PPARGC1A: variants seen among roughly 807,000 people sequenced by gnomAD.
The protein encoded by PPARGC1A is PPARG coactivator 1 alpha.
In PPARGC1A, 25 loss-of-function variants were observed where a neutral mutation model predicts 88.7. The ratio of observed to expected loss-of-function variants is 0.28; its 90% confidence interval spans 0.21 to 0.39. The LOEUF is 0.39. Ranked by LOEUF, PPARGC1A falls within the 10% of genes least tolerant of loss-of-function variation. The pLI, the probability that PPARGC1A is intolerant of heterozygous loss-of-function variation, is 1.00. For synonymous variants in PPARGC1A, 363 were observed against 355.6 expected (o/e 1.02, Z -0.24); for missense variants, 880 against 968.7 (o/e 0.91, Z 1.22).
chr4:24,393,782 T>C, the PPARGC1A span, among the ~76,000 whole-genome samples: 1 of 152,194 alleles, frequency 6.6e-6, no homozygotes, highest in Admixed American at 6.5e-5. Flanking sequence ...GTGACTCCAT[T>C]TTTACTGAAA....
chr4:23,928,269 G>A, the PPARGC1A span, among the ~76,000 whole-genome samples: 7 of 152,208 alleles, frequency 4.6e-5, no homozygotes, highest in South Asian at 2.1e-4. Context: ...TGGAGGCAGC[G>A]AAATTATATC....
chr4:24,282,954 G>A, the PPARGC1A span, among the ~76,000 whole-genome samples: 16 of 152,256 alleles, frequency 1.1e-4, no homozygotes, highest in South Asian at 4.2e-4. Context: ...GGACCTAACC[G>A]TAGGTGATTG....
At chr4:24,414,537 A>C in the PPARGC1A span, among the ~76,000 whole-genome samples, 2 of 152,140 alleles carry the variant, frequency 1.3e-5, no homozygotes, top group Non-Finnish European at 2.9e-5. Flanking sequence ...TGATCACCCT[A>C]GTTCAGTGGT....
the PPARGC1A span, among the ~76,000 whole-genome samples, chr4:24,376,622 G>T: frequency 1.3e-5 from 2 of 152,152 alleles, no homozygotes; most frequent in Admixed American, 6.5e-5. Context: ...CAGGATAAAA[G>T]AATTCACCAT....
the PPARGC1A span, among the ~76,000 whole-genome samples, chr4:24,277,219 C>T: frequency 6.6e-6 from 1 of 152,038 alleles, no homozygotes; most frequent in Non-Finnish European, 1.5e-5. Flanking sequence ...TAGCCTACTG[C>T]AAGCACACAC....
the PPARGC1A span, among the ~76,000 whole-genome samples, chr4:24,412,351 A>C: frequency 6.6e-6 from 1 of 152,154 alleles, no homozygotes; most frequent in African/African-American, 2.4e-5. Flanking sequence ...TTGTTCCACA[A>C]CCCATGAACT....
the PPARGC1A span, among the ~76,000 whole-genome samples, chr4:24,072,454 T>C: frequency 6.6e-6 from 1 of 152,126 alleles, no homozygotes; most frequent in African/African-American, 2.4e-5. Flanking sequence ...ATTTTCTATT[T>C]CTGCCTCCTC....
the PPARGC1A span, among the ~76,000 whole-genome samples, chr4:24,118,522 C>T: frequency 6.6e-6 from 1 of 152,100 alleles, no homozygotes; most frequent in Non-Finnish European, 1.5e-5. Context: ...AGAGCGCTCA[C>T]CAAAGGCAAG....
chr4:23,858,857 T>G (rs1349720558), intron 2 of PPARGC1A, among the ~76,000 whole-genome samples: 1 of 151,602 alleles, frequency 6.6e-6, no homozygotes, highest in Non-Finnish European at 1.5e-5. Context: ...ACAAGTTTTA[T>G]GGACTGGCTG....
the PPARGC1A span, among the ~76,000 whole-genome samples, chr4:24,015,264 TGAGATA>T: frequency 1.2e-4 from 18 of 152,174 alleles, no homozygotes; most frequent in South Asian, 2.1e-4. Context: ...TAGGTATAGA[TGAGATA>T]GAGATAGAGA....
At chr4:24,091,450 G>C in the PPARGC1A span, 1 of 985,292 alleles carries the variant, frequency 1.0e-6, no homozygotes, top group South Asian at 4.7e-5. Flanking sequence ...CCTGTGTGGA[G>C]CTGAGGACAT....
intron 7 of PPARGC1A, among the ~76,000 whole-genome samples, chr4:23,820,964 C>A (rs533510681): frequency 6.6e-6 from 1 of 152,222 alleles, no homozygotes; most frequent in South Asian, 2.1e-4. Context: ...CAAGGATCAA[C>A]AAACCACCAA....
intron 1 of PPARGC1A, among the ~76,000 whole-genome samples, chr4:23,887,556 G>A (rs1313165995): frequency 6.6e-6 from 1 of 152,136 alleles, no homozygotes; most frequent in Middle Eastern, 3.2e-3. Flanking sequence ...TTTATAATAA[G>A]ATTTAAGAGG....
chr4:24,203,794 C>T, the PPARGC1A span, among the ~76,000 whole-genome samples: 3 of 152,212 alleles, frequency 2.0e-5, no homozygotes, highest in Admixed American at 6.5e-5. Context: ...AGAAAAGGAA[C>T]GTGCAAAAGA....
At chr4:24,225,664 T>G in the PPARGC1A span, among the ~76,000 whole-genome samples, 1 of 150,568 alleles carries the variant, frequency 6.6e-6, no homozygotes, top group African/African-American at 2.4e-5. Flanking sequence ...CTAGAAAGAG[T>G]GGGGTCCAGG....
chr4:23,898,746 A>G (rs891495230), intron 1 of PPARGC1A, among the ~76,000 whole-genome samples: 1 of 152,190 alleles, frequency 6.6e-6, no homozygotes, highest in Non-Finnish European at 1.5e-5. Flanking sequence ...TCCAGATTGT[A>G]CTTTGCACCA....
At chr4:24,134,465 T>A in the PPARGC1A span, among the ~76,000 whole-genome samples, 6 of 152,270 alleles carry the variant, frequency 3.9e-5, no homozygotes, top group Non-Finnish European at 8.8e-5. Flanking sequence ...ACCAAGGAAA[T>A]ATGTTTGCGT....
the PPARGC1A span, among the ~76,000 whole-genome samples, chr4:24,376,224 C>T: frequency 6.6e-6 from 1 of 152,118 alleles, no homozygotes; most frequent in Non-Finnish European, 1.5e-5. Context: ...CGGTTCCCAC[C>T]ACAGGCAGGA....
chr4:23,928,783 C>CAAAA, the PPARGC1A span, among the ~76,000 whole-genome samples: 1 of 119,164 alleles, frequency 8.4e-6, no homozygotes, highest in African/African-American at 3.0e-5. Flanking sequence ...AAAAAAACAA[C>CAAAA]AAAAAAAAAA....
Sources: allele counts gnomAD v4.1 joint callset (sites outside exome capture counted in the v4.1 genomes callset), GRCh38; gene constraint gnomAD v4.1.1; transcripts MANE v1.5; gene names NCBI Gene and HGNC (gene_info 2026-07-23, HGNC 2026-07-21).